The following FCHO2 variants were observed in gnomAD, a reference collection of about 807,000 sequenced individuals.
FCHO2 encodes the protein F-BAR domain only protein 2.
A neutral mutation model predicts 114.1 loss-of-function variants in FCHO2; 43 were observed. The observed-to-expected ratio is 0.38, with a 90% confidence interval of 0.30 to 0.49. FCHO2 has a LOEUF of 0.49. Among genes scored for constraint, FCHO2 ranks in the 20% least tolerant of loss-of-function variants. FCHO2 has a pLI of 0.97. For missense variants in FCHO2, 807 were observed against 950.4 expected, an observed-to-expected ratio of 0.85 and a Z score of 1.98; for synonymous variants, 293 against 315.2, an observed-to-expected ratio of 0.93 and a Z score of 0.75.
chr5:73,087,883 T>C, intron 25 of FCHO2, 130 bp downstream of exon 25: 1 of 1,406,978 alleles, frequency 7.1e-7, no homozygotes, highest in African/African-American at 1.4e-5. Flanking sequence ...TGGTACAAGG[T>C]GCCAGGTAGA....
intron 11 of FCHO2, among the ~76,000 whole-genome samples, chr5:73,048,648 A>G (rs987853083): frequency 6.6e-6 from 1 of 152,082 alleles, no homozygotes; most frequent in Non-Finnish European, 1.5e-5. Context: ...AACCTTGTGC[A>G]TATATATTTT....
chr5:72,983,993 C>G (rs1223092829), intron 2 of FCHO2, among the ~76,000 whole-genome samples: 1 of 152,130 alleles, frequency 6.6e-6, no homozygotes, highest in African/African-American at 2.4e-5. Context: ...TCAGTTTACA[C>G]CACCTTCCAT....
intron 18 of FCHO2, 90 bp from the exon 19 acceptor site, chr5:73,068,560 G>T: frequency 2.8e-6 from 4 of 1,406,406 alleles, no homozygotes; most frequent in Non-Finnish European, 3.9e-6. Flanking sequence ...AATTTGGTTT[G>T]GTATGTTAAA....
intron 5 of FCHO2, among the ~76,000 whole-genome samples, chr5:72,997,810 C>T (rs1464398643): frequency 6.6e-6 from 1 of 152,180 alleles, no homozygotes; most frequent in African/African-American, 2.4e-5. Context: ...TCTGGATGGA[C>T]GCATGGGCCT....
chr5:73,073,529 T>G (rs1424895934), intron 19 of FCHO2, among the ~76,000 whole-genome samples: 2 of 152,096 alleles, frequency 1.3e-5, no homozygotes, highest in Non-Finnish European at 2.9e-5. Flanking sequence ...ACATGGTGGT[T>G]AATACATAGT....
intron 1 of FCHO2, among the ~76,000 whole-genome samples, chr5:72,966,853 A>G (rs905750232): frequency 1.1e-4 from 16 of 152,258 alleles, no homozygotes; most frequent in African/African-American, 3.9e-4. Context: ...TGTTAAACCT[A>G]GTGTATCAGC....
intron 19 of FCHO2, 108 bp downstream of exon 19, chr5:73,068,887 T>A: frequency 7.6e-7 from 1 of 1,314,808 alleles, no homozygotes; most frequent in Non-Finnish European, 1.0e-6. Flanking sequence ...CATTATAAAT[T>A]TTGTTTTTCT....
chr5:73,016,398 TTAAA>T (rs1292267800), intron 7 of FCHO2, among the ~76,000 whole-genome samples: 1 of 131,464 alleles, frequency 7.6e-6, no homozygotes, highest in African/African-American at 2.9e-5. Flanking sequence ...TTTAAATTGT[TTAAA>T]TATTAAAAAA....
chr5:73,028,753 T>C (rs1415177330), intron 8 of FCHO2, among the ~76,000 whole-genome samples: 2 of 148,770 alleles, frequency 1.3e-5, no homozygotes, highest in African/African-American at 5.0e-5. Flanking sequence ...CAGGTTCAAG[T>C]GATTCTCCTG....
chr5:73,036,645 G>A (rs548399799), intron 9 of FCHO2, among the ~76,000 whole-genome samples: 1 of 152,084 alleles, frequency 6.6e-6, no homozygotes, highest in South Asian at 2.1e-4. Context: ...CAAAGTGCTG[G>A]GATTATAGGC....
chr5:72,991,272 C>T (rs1753797021), intron 5 of FCHO2, among the ~76,000 whole-genome samples: 1 of 152,200 alleles, frequency 6.6e-6, no homozygotes, highest in Admixed American at 6.5e-5. Flanking sequence ...CCATGTTAGT[C>T]AGGTTGGTCT....
In FCHO2 at chr5:72,990,824, G is replaced by T; in HGVS notation, c.455G>T (p.Arg152Leu). The change falls in exon 5 of 26, where the codon CGT becomes CTT. Residue 152 changes from arginine to leucine, a missense_variant. Transcript: ENST00000430046. ...NYNAKCVEQERLKKEGATQRE... is the reference protein window; with the variant it reads ...NYNAKCVEQELLKKEGATQRE... ...AATGCCAAGTGTGTAGAACAGGAGC[G>T]TTTGAAAAAGGAAGGAGCTACACAA... is the stretch of plus-strand genomic sequence containing the variant. 1 of 1,550,342 alleles carries T rather than the reference G, an allele frequency of 6.5e-7. No homozygotes were observed. Among genetic ancestry groups the T allele is most frequent in the South Asian group, 1.2e-5 (1 of 83,534 alleles).
At chr5:73,021,068 C>T (rs1341960052) in intron 8 of FCHO2, 2 of 902,396 alleles carry the variant, frequency 2.2e-6, no homozygotes, top group Non-Finnish European at 3.8e-6. Context: ...TCCTCTCCCT[C>T]TGGAAAGAAG....
intron 8 of FCHO2, among the ~76,000 whole-genome samples, chr5:73,022,573 T>A: frequency 6.6e-6 from 1 of 152,194 alleles, no homozygotes; most frequent in East Asian, 1.9e-4. Flanking sequence ...ATTGCATTCG[T>A]CCCCGGAGGA....
chr5:73,075,311 G>T (rs1232814877), intron 20 of FCHO2, among the ~76,000 whole-genome samples: 1 of 152,186 alleles, frequency 6.6e-6, no homozygotes, highest in African/African-American at 2.4e-5. Flanking sequence ...TAAGCAGGTA[G>T]TTGAAAGACA....
At chr5:73,059,784 T>A (rs1757767624) in intron 17 of FCHO2, among the ~76,000 whole-genome samples, 1 of 151,928 alleles carries the variant, frequency 6.6e-6, no homozygotes. Context: ...TGAGCATTTG[T>A]TACTATTTAG....
At position 73,051,370 on chromosome 5, in the gene FCHO2, G is replaced by A; in HGVS notation, c.961G>A (p.Glu321Lys). ...TTAGAACATTCCTGATGTAGATGAA[G>A]AAGGCTACAGTATTAAACCAGAAAC... ...DSLNIPDVDE[E>K]GYSIKPETNQ... The change falls in exon 12 of 26, where the codon GAA (glutamate) becomes AAA (lysine). Residue 321 changes from glutamate to lysine, a missense_variant. Glu to Lys is a moderately conservative substitution (Grantham distance 56). Transcript: ENST00000430046. 2 of 1,532,862 alleles carry A rather than the reference G, an allele frequency of 1.3e-6. No individual in the cohort carries two copies. Among genetic ancestry groups the A allele is most frequent in the Admixed American group, 2.0e-5 (1 of 49,988 alleles). 95.0% of individuals were successfully genotyped at this position (1,532,862 alleles called of 1,614,324 possible). A position where few individuals can be genotyped will look rare whatever the true frequency, so the allele number is the denominator to read the frequency against.
chr5:72,959,281 G>T (rs948391956), intron 1 of FCHO2, among the ~76,000 whole-genome samples: 3 of 152,078 alleles, frequency 2.0e-5, no homozygotes, highest in African/African-American at 7.2e-5. Context: ...CTGAGGCAGG[G>T]GAATGGATTG....
intron 1 of FCHO2, among the ~76,000 whole-genome samples, chr5:72,956,653 C>T (rs1332062139): frequency 2.0e-5 from 3 of 152,200 alleles, no homozygotes; most frequent in Admixed American, 2.0e-4. Context: ...CTAGCACTTC[C>T]TCTCAGCCTC....
Sources: gnomAD v4.1 joint callset for allele counts (sites outside exome capture counted in the v4.1 genomes callset) on GRCh38, gnomAD v4.1.1 for gene constraint, MANE v1.5 for transcripts, NCBI Gene and HGNC (gene_info 2026-07-23, HGNC 2026-07-21) for gene names.